Variants in RP1L1 observed in about 807,000 individuals in gnomAD.
The protein encoded by RP1L1 is RP1 like 1, also known as retinitis pigmentosa 1-like 1 protein.
RP1L1 carries 27 observed loss-of-function variants against 15.7 expected under a neutral mutation model. The observed-to-expected ratio is 1.72, with a 90% CI of 1.27 to 2.38. The LOEUF (loss-of-function observed/expected upper bound fraction) is 2.38. Ranked by LOEUF, RP1L1 falls within the 30% of genes most tolerant of loss-of-function variation. RP1L1 has a pLI of 0.00. For missense variants in RP1L1, 4,798 were observed against 3,075.9 expected, an observed-to-expected ratio of 1.56 and a Z score of -13.24; for synonymous variants, 1,813 against 1,276.7, an observed-to-expected ratio of 1.42 and a Z score of -8.96.
At chr8:10,641,487 A>G (rs891766680) in intron 1 of RP1L1, among the ~76,000 whole-genome samples, 3 of 152,258 alleles carry the variant, frequency 2.0e-5, no homozygotes, top group African/African-American at 7.2e-5. Context: ...CATGAGAACA[A>G]AAACGAAATA....
In RP1L1 at chr8:10,611,782, C is replaced by A. The variant is rs62490857; in HGVS notation, c.2316G>T (p.Ser772=). ...WAGDAGSRTC[S]PAPIPPHTSD... The stretch of plus-strand genomic sequence containing the variant: ...ATGTGTGGGGAGGTATGGGGGCCGG[C>A]GAGCATGTCCTGGACCCCGCGTCCC... Residue 772 remains serine (S), a synonymous_variant, in exon 4 of 4, where the codon TCG becomes TCT. Coordinates refer to ENST00000382483, the MANE Select transcript of RP1L1 (RefSeq NM_178857.6). The A allele has an allele frequency of 6.2e-7, 1 of 1,613,548 alleles. No homozygotes were observed. The highest frequency in any genetic ancestry group is 8.5e-7 in the Non-Finnish European group (1 of 1,179,980).
intron 2 of RP1L1, chr8:10,621,776 G>C (rs1440703070): frequency 2.0e-6 from 1 of 505,262 alleles, no homozygotes; most frequent in Non-Finnish European, 4.0e-6. Context: ...GCAGAACCTG[G>C]AAAGGCAAAA....
chr8:10,647,400 C>T (rs1340224976), intron 1 of RP1L1, among the ~76,000 whole-genome samples: 1 of 152,168 alleles, frequency 6.6e-6, no homozygotes, highest in Non-Finnish European at 1.5e-5. Flanking sequence ...TGGCATCAAG[C>T]ACATTTCTTG....
chr8:10,638,181 G>C (rs915329667), intron 1 of RP1L1, among the ~76,000 whole-genome samples: 1 of 152,212 alleles, frequency 6.6e-6, no homozygotes, highest in African/African-American at 2.4e-5. Flanking sequence ...GATTACACAC[G>C]TGAACCCAAA....
In RP1L1 at chr8:10,612,786, A is replaced by C. The variant is rs2117206141; in HGVS notation, c.1312T>G (p.Trp438Gly). Residue 438 changes from tryptophan to glycine, a missense_variant, in exon 4 of 4, where the codon TGG becomes GGG. Coordinates refer to ENST00000382483, the MANE Select transcript of RP1L1 (RefSeq NM_178857.6). ...TCCCTCCCGGCAGTCCCGTGGCCCC[A>C]CAGGCCACTGCAGCGGACGTGCTGG... Reference protein sequence around the residue: ...LAQHVRCSGLWGHGTAGRERC... With the variant: ...LAQHVRCSGLGGHGTAGRERC... The C allele has an allele frequency of 2.5e-6, 4 of 1,610,518 alleles. 1 individual carries two copies. In the Middle Eastern group the frequency reaches 5.0e-4, roughly 200 times the overall value.
chr8:10,634,118 A>C (rs753504078), intron 1 of RP1L1, among the ~76,000 whole-genome samples: 35 of 152,196 alleles, frequency 2.3e-4, no homozygotes, highest in Non-Finnish European at 4.1e-4. Context: ...CTGAGTAAGA[A>C]GAGAAGTGAT....
At chr8:10,614,399 C>G (rs1797930793) in intron 3 of RP1L1, among the ~76,000 whole-genome samples, 1 of 152,080 alleles carries the variant, frequency 6.6e-6, no homozygotes, top group South Asian at 2.1e-4. Context: ...ATAGCTCACG[C>G]CTGTAATCCC....
At position 10,622,756 on chromosome 8, in the gene RP1L1, TTA is replaced by T. The variant is rs1563130922; in HGVS notation, c.444_445del (p.Lys149AsnfsTer9). 7 of 1,614,062 alleles carry T rather than the reference TTA, an allele frequency of 4.3e-6. No individual in the cohort carries two copies. The highest frequency in any genetic ancestry group is 5.9e-6 in the Non-Finnish European group (7 of 1,180,000). ...AATCAGCAGTATCCTCCGGGGGGTT[TTA>T]AGACTCTTCCGGGAGGAGGAGGTGC... On this transcript the variant is annotated frameshift_variant, in exon 2 of 4. Transcript: ENST00000382483. LOFTEE classifies it high-confidence loss of function.
At position 10,608,609 on chromosome 8, in the gene RP1L1, T is replaced by C. The variant is rs1189563855; in HGVS notation, c.5489A>G (p.Asp1830Gly). Residue 1830 changes from aspartate to glycine, a missense_variant, in exon 4 of 4, where the codon GAT becomes GGT. Transcript: ENST00000382483. ...CGGGGCCTCTATGCCTTCGGCCCCA[T>C]CACTCTGTCCTGGATCTTGGTCACC... ...AGGDQDPGQS[D>G]GAEGIEAPEA... 6.2e-7 allele frequency: 1 copy of C among 1,614,112 alleles called. No individual in the cohort carries two copies. The highest frequency in any genetic ancestry group is 1.1e-5 in the South Asian group (1 of 91,074).
In RP1L1 at chr8:10,612,841, T is replaced by C. The variant is rs1797892777; in HGVS notation, c.1257A>G (p.Arg419=). 3 of 1,612,594 alleles carry C rather than the reference T, an allele frequency of 1.9e-6. No individual in the cohort carries two copies. The highest frequency in any genetic ancestry group is 2.5e-6 in the Non-Finnish European group (3 of 1,179,880). ...TNPLHASQGE[R]VAARKRWGLA... ...GTCCCCACCTCTTCCGAGCTGCCAC[T>C]CTCTCTCCCTGGGAGGCATGCAGGG... is the stretch of plus-strand genomic sequence containing the variant. The change falls in exon 4 of 4, where the codon AGA becomes AGG. Residue 419 remains arginine, a synonymous_variant. Coordinates refer to ENST00000382483, the MANE Select transcript of RP1L1 (RefSeq NM_178857.6).
At chr8:10,613,443 G>A in intron 3 of RP1L1, 97 bp from the exon 4 acceptor site, 4 of 1,511,962 alleles carry the variant, frequency 2.6e-6, no homozygotes, top group Non-Finnish European at 3.6e-6. Context: ...AGCCTCCCAC[G>A]ACCTCAGCAT....
intron 1 of RP1L1, among the ~76,000 whole-genome samples, chr8:10,646,934 C>A (rs937314787): frequency 9.9e-5 from 15 of 152,248 alleles, no homozygotes; most frequent in Non-Finnish European, 5.9e-5. Flanking sequence ...ACCTCCCCCC[C>A]TCAGTTGTCA....
chr8:10,643,034 T>C (rs1399296487), intron 1 of RP1L1, among the ~76,000 whole-genome samples: 1 of 152,032 alleles, frequency 6.6e-6, no homozygotes, highest in African/African-American at 2.4e-5. Context: ...CAGTAAAGAT[T>C]TGGGTTAAAA....
chr8:10,631,638 C>G (rs1050690393), intron 1 of RP1L1, among the ~76,000 whole-genome samples: 3 of 152,218 alleles, frequency 2.0e-5, no homozygotes, highest in Admixed American at 6.5e-5. Context: ...CGGTTTGTCC[C>G]TGTCCCCCCT....
rs1308913637 is a variant in RP1L1, at chr8:10,612,963, G to T, written c.1135C>A (p.Pro379Thr). The T allele has an allele frequency of 3.1e-6, 5 of 1,612,996 alleles. No individual in the cohort carries two copies. The highest frequency in any genetic ancestry group is 2.7e-5 in the African/African-American group (2 of 74,926). The change falls in exon 4 of 4, where the codon CCT (proline) becomes ACT (threonine). Residue 379 changes from proline to threonine, a missense_variant. Physicochemically the swap from Pro to Thr is conservative, Grantham distance 38. Transcript: ENST00000382483. The part of the protein sequence containing the change: ...WEGYPWGFSE[P>T]GVWGPRPCRV... The stretch of plus-strand genomic sequence containing the variant: ...CAGGGCCGGGGTCCCCACACCCCAG[G>T]CTCTGAGAAGCCCCAAGGGTAGCCC...
Position 10,606,980 on chromosome 8 carries a change from T to C in RP1L1, c.7118A>G (p.Gln2373Arg), listed in dbSNP as rs1278440124. ...EQGASEGYDL[Q>R]EDQALGSLAP... is the part of the protein sequence containing the mutation. ...GAGACTTCCGAGTGCCTGGTCCTCT[T>C]GTAGGTCATAACCTTCACTGGCCCC... The change falls in exon 4 of 4, where the codon CAA (glutamine) becomes CGA (arginine). Residue 2373 changes from glutamine to arginine, a missense_variant. Transcript: ENST00000382483. 6 of 1,614,234 alleles carry C rather than the reference T, an allele frequency of 3.7e-6. No individual in the cohort carries two copies. The South Asian group carries it at 6.6e-5, about 18-fold the overall frequency.
intron 3 of RP1L1, among the ~76,000 whole-genome samples, chr8:10,614,661 C>CAA (rs772003815): frequency 0.018 from 1,376 of 75,296 alleles, 15 homozygotes; most frequent in Admixed American, 0.023. Context: ...ATTCTGTCGT[C>CAA]AAAAAAAAAA....
chr8:10,636,885 A>C (rs1254780190), intron 1 of RP1L1, among the ~76,000 whole-genome samples: 1 of 152,148 alleles, frequency 6.6e-6, no homozygotes, highest in Non-Finnish European at 1.5e-5. Context: ...ATGGAACTGG[A>C]GTGACAAGGA....
rs139209790 is a variant in RP1L1, at chr8:10,613,664, C to G, written c.752-318G>C. Among the ~76,000 whole-genome samples, 524 of 148,544 alleles carry G rather than the reference C, an allele frequency of 3.5e-3. 6 individuals are homozygous for G. Among genetic ancestry groups the G allele is most frequent in the African/African-American group, 0.012 (504 of 40,366 alleles). On this transcript the variant is annotated intron_variant, in intron 3 of 3. Transcript: ENST00000382483. ...ACCTAAGCATGGTAGTATGCCCCTA[C>G]AGTCCCAGCTTCCTAGCTACTCGGA...
Sources: allele counts gnomAD v4.1 joint callset (sites outside exome capture counted in the v4.1 genomes callset), GRCh38; gene constraint gnomAD v4.1.1; transcripts MANE v1.5; gene names NCBI Gene and HGNC (gene_info 2026-07-23, HGNC 2026-07-21).